CGGBP1: variants seen among roughly 807,000 people sequenced by gnomAD.
CGGBP1 encodes CGG triplet repeat-binding protein 1.
A neutral mutation model predicts 11.4 loss-of-function variants in CGGBP1; 4 were observed. The observed-to-expected ratio is 0.35, with a 90% CI of 0.17 to 0.80. The LOEUF (loss-of-function observed/expected upper bound fraction) is 0.80, where lower values mean the gene tolerates loss of function less well. CGGBP1 is among the 30% of genes least tolerant of loss of function. The pLI is 0.52. For missense variants in CGGBP1, 135 were observed against 202.1 expected, an observed-to-expected ratio of 0.67 and a Z score of 2.01; for synonymous variants, 76 against 74.1, an observed-to-expected ratio of 1.03 and a Z score of -0.13.
At chr3:88,146,886 A>G (rs770659654) in intron 1 of CGGBP1, among the ~76,000 whole-genome samples, 9 of 152,134 alleles carry the variant, frequency 5.9e-5, no homozygotes, top group Admixed American at 3.3e-4. Context: ...AAAACCTTGT[A>G]ATCATCCCTG....
At position 88,091,149 on chromosome 3, in the gene CGGBP1, C is replaced by CA. The variant is rs1417130167; in HGVS notation, c.-228-32927dup. Among the ~76,000 whole-genome samples, 3 of 152,246 alleles carry CA rather than the reference C, an allele frequency of 2.0e-5. No individual in the cohort carries two copies. In the South Asian group the frequency reaches 6.2e-4, roughly 32 times the overall value. On this transcript the variant is annotated intron_variant, in intron 2 of 3. Transcript: ENST00000462901. Reference sequence around the variant, plus strand: ...ACATTAAGTGATGTTCACACAAGGACAAAATCACCTAATGATGCATTTCTC... The same window carrying CA: ...ACATTAAGTGATGTTCACACAAGGACAAAAATCACCTAATGATGCATTTCTC...
intron 2 of CGGBP1, among the ~76,000 whole-genome samples, chr3:88,104,690 A>G (rs1704627051): frequency 6.6e-6 from 1 of 152,216 alleles, no homozygotes; most frequent in Non-Finnish European, 1.5e-5. Context: ...ACCGCTAAAA[A>G]CAGGTGAATG....
chr3:88,141,157 G>A, intron 1 of CGGBP1: 5 of 1,262,942 alleles, frequency 4.0e-6, no homozygotes, highest in Non-Finnish European at 4.3e-6. Context: ...TGTAGCACAG[G>A]TAGTGAAGCA....
chr3:88,077,782 A>G (rs1707893367), intron 2 of CGGBP1, among the ~76,000 whole-genome samples: 3 of 152,342 alleles, frequency 2.0e-5, no homozygotes, highest in Non-Finnish European at 2.9e-5. Context: ...ATTAATGTCA[A>G]ATATCTTGGT....
At chr3:88,099,752 A>G (rs1370756845) in intron 2 of CGGBP1, among the ~76,000 whole-genome samples, 1 of 152,138 alleles carries the variant, frequency 6.6e-6, no homozygotes, top group Non-Finnish European at 1.5e-5. Flanking sequence ...AAATGGTGCC[A>G]GGAAAACTGG....
rs1706514721 is a variant in CGGBP1, at chr3:88,055,219, T to G, written c.*254A>C. 6.1e-6 allele frequency: 2 copies of G among 327,490 alleles called. No homozygotes were observed. Among genetic ancestry groups the G allele is most frequent in the Non-Finnish European group, 5.5e-6 (1 of 181,472 alleles). 20.3% of individuals were successfully genotyped at this position (327,490 alleles called of 1,614,324 possible). A position where few individuals can be genotyped will look rare whatever the true frequency, so the allele number is the denominator to read the frequency against. On this transcript the variant is annotated 3_prime_UTR_variant, in exon 4 of 4. Transcript: ENST00000482016. The surrounding 1 kb of genome is among the most constrained non-coding windows in gnomAD (Gnocchi z 4.2). ...ATTTCAGGAGAAAAACCATTAATTT[T>G]AAAGATAACCATCAGGTTTCAGGTA... is the stretch of plus-strand genomic sequence containing the variant.
chr3:88,103,482 G>C (rs1252545876), intron 2 of CGGBP1, among the ~76,000 whole-genome samples: 1 of 152,042 alleles, frequency 6.6e-6, no homozygotes, highest in Non-Finnish European at 1.5e-5. Context: ...TAAGAATTTA[G>C]GAAAATCTAA....
At chr3:88,146,357 C>G (rs376997510) in intron 1 of CGGBP1, among the ~76,000 whole-genome samples, 22 of 152,122 alleles carry the variant, frequency 1.4e-4, no homozygotes, top group African/African-American at 4.8e-4. Context: ...TTAAACAAGT[C>G]CCCTATTAAT....
rs1705501451 is a variant in CGGBP1, at chr3:88,117,812, G to C, written c.-229+23158C>G. On this transcript the variant is annotated intron_variant, in intron 2 of 3. Transcript: ENST00000462901. ...GCATCTATGCGGAAATAACTACAGG[G>C]TGGTGACATTTGTTAAGGGAGCAGT... is the stretch of plus-strand genomic sequence containing the variant. 2.6e-5 allele frequency among the ~76,000 whole-genome samples: 4 copies of C among 152,178 alleles called. No homozygotes were observed. The South Asian group carries it at 8.3e-4, about 32-fold the overall frequency.
intron 2 of CGGBP1, chr3:88,140,568 T>C: frequency 6.2e-7 from 1 of 1,613,668 alleles, no homozygotes; most frequent in Non-Finnish European, 8.5e-7. Context: ...AGAGCCAAAT[T>C]CTGAAAATAA....
chr3:88,089,731 G>T (rs1470904964), intron 2 of CGGBP1, among the ~76,000 whole-genome samples: 3 of 152,130 alleles, frequency 2.0e-5, no homozygotes, highest in Non-Finnish European at 2.9e-5. Context: ...GCCTACTACA[G>T]ATCCCAAAAA....
At chr3:88,069,224 C>A (rs1203586804) in intron 2 of CGGBP1, among the ~76,000 whole-genome samples, 1 of 152,134 alleles carries the variant, frequency 6.6e-6, no homozygotes, top group Non-Finnish European at 1.5e-5. Flanking sequence ...GAGCTCAAGA[C>A]CAGCCTGGCC....
At chr3:88,107,539 C>T (rs1461196524) in intron 2 of CGGBP1, among the ~76,000 whole-genome samples, 5 of 152,000 alleles carry the variant, frequency 3.3e-5, no homozygotes, top group South Asian at 2.1e-4. Flanking sequence ...TTGGATTTTT[C>T]GTCAGTTGCG....
Position 88,082,965 on chromosome 3 carries a change from G to T in CGGBP1, c.-228-24742C>A, listed in dbSNP as rs151307001. ...TGTGTGCTCACATGGCCATTCTTTGGTGCATGTGCATAGAGAAAGAGAGAG... is the reference window on the plus strand; with the variant it reads ...TGTGTGCTCACATGGCCATTCTTTGTTGCATGTGCATAGAGAAAGAGAGAG... On this transcript the variant is annotated intron_variant, in intron 2 of 3. Coordinates refer to the CGGBP1 transcript ENST00000462901. 1.6e-4 allele frequency among the ~76,000 whole-genome samples: 24 copies of T among 152,090 alleles called. No homozygotes were observed. In the East Asian group the frequency reaches 4.6e-3, roughly 29 times the overall value.
chr3:88,059,650 C>G (rs915586516), upstream of CGGBP1: 5 of 1,256,390 alleles, frequency 4.0e-6, no homozygotes, highest in African/African-American at 7.9e-5. Context: ...CCCTCCTCCA[C>G]TTATCCGGCT....
At chr3:88,111,721 T>G (rs1455311740) in intron 2 of CGGBP1, among the ~76,000 whole-genome samples, 1 of 151,970 alleles carries the variant, frequency 6.6e-6, no homozygotes, top group Non-Finnish European at 1.5e-5. Context: ...GTAGAACTGC[T>G]AGGTCAAATG....
chr3:88,109,037 C>T (rs2107748639), intron 2 of CGGBP1, among the ~76,000 whole-genome samples: 1 of 151,920 alleles, frequency 6.6e-6, no homozygotes, highest in South Asian at 2.1e-4. Flanking sequence ...TGAACAGAAA[C>T]ATGTTCAAAT....
At chr3:88,118,290 A>G (rs1160332649) in intron 2 of CGGBP1, among the ~76,000 whole-genome samples, 1 of 152,114 alleles carries the variant, frequency 6.6e-6, no homozygotes, top group African/African-American at 2.4e-5. Context: ...CAGTCAGGAA[A>G]GGGAGTTAGG....
intron 1 of CGGBP1, among the ~76,000 whole-genome samples, chr3:88,146,485 C>T (rs1204669061): frequency 6.6e-6 from 1 of 152,082 alleles, no homozygotes; most frequent in African/African-American, 2.4e-5. Flanking sequence ...GTAAATGAAA[C>T]TACCAGAACA....
Sources: allele counts gnomAD v4.1 joint callset (sites outside exome capture counted in the v4.1 genomes callset), GRCh38; gene constraint gnomAD v4.1.1; non-coding constraint Gnocchi (gnomAD v3.1); transcripts MANE v1.5; gene names NCBI Gene and HGNC (gene_info 2026-07-23, HGNC 2026-07-21).